ITPK1: variants seen among roughly 807,000 people sequenced by gnomAD.
ITPK1 encodes the protein inositol-tetrakisphosphate 1-kinase.
A neutral mutation model predicts 45.3 loss-of-function variants in ITPK1; 21 were observed. The ratio of observed to expected loss-of-function variants is 0.46; its 90% CI spans 0.33 to 0.67. ITPK1 has a LOEUF of 0.67. Among genes scored for constraint, ITPK1 ranks in the 30% least tolerant of loss-of-function variants. The pLI is 0.02. For missense variants in ITPK1, 474 were observed against 573.5 expected (o/e 0.83, Z 1.77); for synonymous variants, 258 against 253.6 (o/e 1.02, Z -0.16).
At chr14:92,985,143 G>A (rs1886430560) in intron 5 of ITPK1, among the ~76,000 whole-genome samples, 1 of 152,028 alleles carries the variant, frequency 6.6e-6, no homozygotes, top group African/African-American at 2.4e-5. Context: ...AACCTGAATT[G>A]AGAGACACTC....
intron 3 of ITPK1, among the ~76,000 whole-genome samples, chr14:93,062,233 T>G (rs1357003936): frequency 1.3e-5 from 2 of 151,858 alleles, no homozygotes; most frequent in Non-Finnish European, 2.9e-5. Flanking sequence ...ATCGAGCCAT[T>G]GCACTCCAGC....
At chr14:93,021,864 C>A (rs970583488) in intron 3 of ITPK1, among the ~76,000 whole-genome samples, 1 of 152,098 alleles carries the variant, frequency 6.6e-6, no homozygotes, top group African/African-American at 2.4e-5. Flanking sequence ...GGGAGGGAAG[C>A]TGTTGAAAAT....
At chr14:93,023,536 T>C (rs1365267074) in intron 3 of ITPK1, among the ~76,000 whole-genome samples, 2 of 152,116 alleles carry the variant, frequency 1.3e-5, no homozygotes, top group Admixed American at 6.5e-5. Context: ...CCTCATAAAA[T>C]AGCTGGTCCC....
chr14:93,090,734 T>G (rs1023269302), intron 2 of ITPK1, among the ~76,000 whole-genome samples: 3 of 152,238 alleles, frequency 2.0e-5, no homozygotes, highest in African/African-American at 7.2e-5. Flanking sequence ...ACTATTCCTG[T>G]GCCAGTTTGG....
rs990022584 is a variant in ITPK1, at chr14:93,032,513, T to C, written c.121-15712A>G. 1.3e-5 allele frequency among the ~76,000 whole-genome samples: 2 copies of C among 152,202 alleles called. No individual in the cohort carries two copies. The highest frequency in any genetic ancestry group is 6.5e-5 in the Admixed American group (1 of 15,280). On this transcript the variant is annotated intron_variant, in intron 3 of 10. Transcript: ENST00000267615. The surrounding 1 kb of genome is among the most constrained non-coding windows in gnomAD (Gnocchi z 4.0). Reference sequence around the variant, plus strand: ...TCTCAGATACTTTAATATGTTCACTTGCACAGAGATTTGCAGAGAGGAAGA... The same window carrying C: ...TCTCAGATACTTTAATATGTTCACTCGCACAGAGATTTGCAGAGAGGAAGA...
At position 93,076,814 on chromosome 14, in the gene ITPK1, TGA is replaced by T. The variant is rs1891240115; in HGVS notation, c.96-197_96-196del. Among the ~76,000 whole-genome samples the T allele has an allele frequency of 6.6e-6, 1 of 152,044 alleles. No individual in the cohort carries two copies. Among genetic ancestry groups the T allele is most frequent in the Admixed American group, 6.6e-5 (1 of 15,266 alleles). ...GCCACTCCTCAAACCACCTTCCCAC[TGA>T]GAGGGCTGGCTCTGCAGAGGGACTT... is the stretch of plus-strand genomic sequence containing the variant. On this transcript the variant is annotated intron_variant, in intron 2 of 10. Transcript: ENST00000267615. The surrounding 1 kb of genome is among the most constrained non-coding windows in gnomAD (Gnocchi z 4.3).
chr14:92,960,957 G>A (rs1020560179), intron 7 of ITPK1, among the ~76,000 whole-genome samples: 1 of 152,196 alleles, frequency 6.6e-6, no homozygotes, highest in East Asian at 1.9e-4. Flanking sequence ...ACGGCGGGCT[G>A]TCTCCACACT....
chr14:93,067,592 G>A (rs529059109), intron 3 of ITPK1: 33 of 152,124 alleles, frequency 2.2e-4, no homozygotes, highest in African/African-American at 7.5e-4. Flanking sequence ...AAAATAAAAC[G>A]GATAGAAATG....
chr14:93,006,270 G>A (rs916681401), intron 4 of ITPK1, among the ~76,000 whole-genome samples: 12 of 152,332 alleles, frequency 7.9e-5, no homozygotes, highest in African/African-American at 2.9e-4. Context: ...GGAAGGGCTG[G>A]GGAAGCTTCC....
chr14:93,075,771 A>C (rs1379906014), intron 3 of ITPK1, among the ~76,000 whole-genome samples: 2 of 152,188 alleles, frequency 1.3e-5, no homozygotes. Context: ...GCCCTGATCT[A>C]GTCCCCAGCT....
intron 5 of ITPK1, among the ~76,000 whole-genome samples, chr14:92,970,581 G>A (rs1160842974): frequency 6.6e-6 from 1 of 152,152 alleles, no homozygotes; most frequent in Non-Finnish European, 1.5e-5. Flanking sequence ...CCATTGTGTT[G>A]CTGATAGAGC....
rs1303532569 is a variant in ITPK1 at position 92,958,121 on chromosome 14, C to T, written c.670+80G>A. The stretch of plus-strand genomic sequence containing the variant: ...GAACACAGGGTGGTTGGGGCAGTGC[C>T]GAAGGACAGACAGCTGCTGCCACAT... On this transcript the variant is annotated intron_variant, in intron 8 of 10. Transcript: ENST00000267615. This position sits in a 1 kb window ranked among gnomAD's most constrained non-coding sequence, Gnocchi z 4.4. The T allele has an allele frequency of 7.0e-6, 10 of 1,432,428 alleles. No individual in the cohort carries two copies. Among genetic ancestry groups the T allele is most frequent in the Admixed American group, 3.4e-5 (2 of 59,022 alleles). The allele number at this position is 1,432,428 out of a possible 1,614,324, so 88.7% of individuals were successfully genotyped here.
intron 2 of ITPK1, among the ~76,000 whole-genome samples, chr14:93,112,642 G>A (rs1281256215): frequency 1.3e-5 from 2 of 151,976 alleles, no homozygotes; most frequent in Admixed American, 6.6e-5. Flanking sequence ...GTTTCACCAT[G>A]TTAGCCAGGA....
chr14:93,094,308 C>T (rs945013663), intron 2 of ITPK1, among the ~76,000 whole-genome samples: 4 of 152,162 alleles, frequency 2.6e-5, no homozygotes, highest in Non-Finnish European at 4.4e-5. Context: ...GCTGAATCAC[C>T]GTCGGTATGG....
intron 3 of ITPK1, among the ~76,000 whole-genome samples, chr14:93,046,792 G>A (rs142396769): frequency 0.018 from 2,774 of 152,218 alleles, 75 homozygotes; most frequent in African/African-American, 0.063. Context: ...TACCATCAAA[G>A]CTCAGTCACT....
intron 2 of ITPK1, among the ~76,000 whole-genome samples, chr14:93,084,778 A>G (rs1891583032): frequency 6.6e-6 from 1 of 151,996 alleles, no homozygotes. Flanking sequence ...CAATCTCCAA[A>G]TGCCAAGGCT....
At position 93,092,794 on chromosome 14, in the gene ITPK1, C is replaced by A. The variant is rs115246524; in HGVS notation, c.96-16175G>T. The stretch of plus-strand genomic sequence containing the variant: ...CCCACGACAGCCAGGGCACCCTCTG[C>A]CCAGCCCCACTGCATTCGACTCAGC... On this transcript the variant is annotated intron_variant, in intron 2 of 10. Transcript: ENST00000267615. 2.0e-3 allele frequency among the ~76,000 whole-genome samples: 311 copies of A among 152,312 alleles called. 3 individuals carry two copies. The highest frequency in any genetic ancestry group is 7.2e-3 in the African/African-American group (299 of 41,570).
chr14:93,049,960 C>A (rs752815404), intron 3 of ITPK1, among the ~76,000 whole-genome samples: 1 of 152,204 alleles, frequency 6.6e-6, no homozygotes, highest in Admixed American at 6.5e-5. Context: ...TCCCTCCAGG[C>A]AGAGGCACTT....
intron 3 of ITPK1, among the ~76,000 whole-genome samples, chr14:93,061,727 A>C (rs892882682): frequency 6.6e-6 from 1 of 152,240 alleles, no homozygotes; most frequent in African/African-American, 2.4e-5. Context: ...TATGTAACCC[A>C]AAGAAATAAT....
Sources: gnomAD v4.1 joint callset for allele counts (sites outside exome capture counted in the v4.1 genomes callset) on GRCh38, gnomAD v4.1.1 for gene constraint, Gnocchi (gnomAD v3.1) non-coding constraint, MANE v1.5 for transcripts, NCBI Gene and HGNC (gene_info 2026-07-23, HGNC 2026-07-21) for gene names.